The following ERBB4 variants were observed in gnomAD, a reference collection of about 807,000 sequenced individuals.
ERBB4 encodes the protein receptor tyrosine-protein kinase erbB-4.
In ERBB4, 42 loss-of-function variants were observed where a neutral mutation model predicts 158.0. The observed-to-expected ratio is 0.27, with a 90% CI of 0.21 to 0.34. The LOEUF (loss-of-function observed/expected upper bound fraction) is 0.34, where lower values mean the gene tolerates loss of function less well. Ranked by LOEUF, ERBB4 falls within the 10% of genes least tolerant of loss-of-function variation. The pLI is 1.00. For synonymous variants in ERBB4, 583 were observed against 558.7 expected (o/e 1.04, Z -0.61); for missense variants, 1,333 against 1,624.1 (o/e 0.82, Z 3.08).
At position 212,429,025 on chromosome 2, in the gene ERBB4, A is replaced by T. The variant is rs1574902571; in HGVS notation, c.82+109424T>A. On this transcript the variant is annotated intron_variant, in intron 1 of 27. Coordinates refer to ENST00000342788, the MANE Select transcript of ERBB4 (RefSeq NM_005235.3). ...GTTAATATAAAAGTTATTAATTTTAAGAGTTTGAGCAATGTAAAGGAATTA... is the reference window on the plus strand; with the variant it reads ...GTTAATATAAAAGTTATTAATTTTATGAGTTTGAGCAATGTAAAGGAATTA... 1.3e-5 allele frequency: 2 copies of T among 152,298 alleles called. 1 individual carries two copies. The highest frequency in any genetic ancestry group is 6.8e-3 in the Middle Eastern group (2 of 294). 9.4% of individuals were successfully genotyped at this position (152,298 alleles called of 1,614,324 possible). A position where few individuals can be genotyped will look rare whatever the true frequency, so the allele number is the denominator to read the frequency against.
chr2:212,201,196 G>T (rs2082578101), intron 1 of ERBB4, among the ~76,000 whole-genome samples: 1 of 151,994 alleles, frequency 6.6e-6, no homozygotes, highest in Non-Finnish European at 1.5e-5. Context: ...TATATTTGTT[G>T]ATTATTTTCC....
chr2:211,572,416 T>A (rs1279649770), intron 19 of ERBB4, among the ~76,000 whole-genome samples: 1 of 152,198 alleles, frequency 6.6e-6, no homozygotes, highest in African/African-American at 2.4e-5. Flanking sequence ...CACCATTTTC[T>A]ACCAATACTC....
At chr2:211,831,833 G>C (rs1335044872) in intron 3 of ERBB4, among the ~76,000 whole-genome samples, 1 of 151,992 alleles carries the variant, frequency 6.6e-6, no homozygotes, top group Non-Finnish European at 1.5e-5. Context: ...AACCTGGGAG[G>C]CAGAGGTTGC....
chr2:211,882,576 C>T (rs115173975), intron 3 of ERBB4, among the ~76,000 whole-genome samples: 1,663 of 152,110 alleles, frequency 0.011, 24 homozygotes, highest in African/African-American at 0.038. Flanking sequence ...CATAAAAACA[C>T]GAGAGGCACA....
chr2:212,379,661 G>T (rs73060359), intron 1 of ERBB4, among the ~76,000 whole-genome samples: 3,763 of 151,498 alleles, frequency 0.025, 171 homozygotes, highest in African/African-American at 0.085. Context: ...AATGGAAAAA[G>T]AAATCAAGTG....
chr2:211,598,972 C>A (rs1454666864), intron 19 of ERBB4, among the ~76,000 whole-genome samples: 1 of 152,164 alleles, frequency 6.6e-6, no homozygotes, highest in East Asian at 1.9e-4. Context: ...GACTTTGGAC[C>A]TGCATCCACC....
At chr2:211,745,202 C>T (rs13004391) in intron 5 of ERBB4, among the ~76,000 whole-genome samples, 51,231 of 151,674 alleles carry the variant, frequency 0.34, 8,736 homozygotes, top group South Asian at 0.45. Flanking sequence ...AAAAATGAAT[C>T]GTGTGTTACA....
intron 1 of ERBB4, among the ~76,000 whole-genome samples, chr2:212,255,759 T>C (rs2084706513): frequency 6.6e-6 from 1 of 152,166 alleles, no homozygotes; most frequent in Admixed American, 6.6e-5. Context: ...CGTGGGATGC[T>C]AAACCTGAAT....
At chr2:211,835,920 G>A (rs933186614) in intron 3 of ERBB4, among the ~76,000 whole-genome samples, 1 of 152,036 alleles carries the variant, frequency 6.6e-6, no homozygotes, top group South Asian at 2.1e-4. Flanking sequence ...CCTTGGGGTT[G>A]CAGGGTTGAA....
chr2:212,134,039 T>A (rs1394455383), intron 1 of ERBB4, among the ~76,000 whole-genome samples: 5 of 152,186 alleles, frequency 3.3e-5, no homozygotes, highest in Non-Finnish European at 7.4e-5. Context: ...GTAATAGTCA[T>A]TCCTATCTTT....
chr2:212,029,065 T>G (rs2076841647), intron 2 of ERBB4, among the ~76,000 whole-genome samples: 1 of 152,032 alleles, frequency 6.6e-6, no homozygotes, highest in Non-Finnish European at 1.5e-5. Flanking sequence ...GCCTCCCCTT[T>G]CCATGGCAAT....
At chr2:211,709,893 A>C (rs6747405) in intron 9 of ERBB4, among the ~76,000 whole-genome samples, 18,685 of 152,010 alleles carry the variant, frequency 0.12, 1,223 homozygotes, top group Non-Finnish European at 0.14. Context: ...GTGGTTTTCT[A>C]TTCCAGTGGT....
intron 4 of ERBB4, among the ~76,000 whole-genome samples, chr2:211,752,483 C>A (rs2075160601): frequency 7.8e-6 from 1 of 127,806 alleles, no homozygotes; most frequent in Non-Finnish European, 1.6e-5. Context: ...CAGAATACTA[C>A]CTAACTGGAA....
intron 17 of ERBB4, among the ~76,000 whole-genome samples, chr2:211,626,729 C>A (rs1164037844): frequency 6.6e-6 from 1 of 151,964 alleles, no homozygotes; most frequent in Non-Finnish European, 1.5e-5. Context: ...TCGAGACCAT[C>A]CTGGCTAACA....
At position 212,377,826 on chromosome 2, in the gene ERBB4, A is replaced by C. The variant is rs911538972; in HGVS notation, c.82+160623T>G. ...AAAATCCTTTGTTTCTTACTTCATAAGTTTTTTAATTTTTTAAAACTATTT... is the reference window on the plus strand; with the variant it reads ...AAAATCCTTTGTTTCTTACTTCATACGTTTTTTAATTTTTTAAAACTATTT... On this transcript the variant is annotated intron_variant, in intron 1 of 27. Coordinates refer to ENST00000342788, the MANE Select transcript of ERBB4 (RefSeq NM_005235.3). 5.9e-5 allele frequency among the ~76,000 whole-genome samples: 9 copies of C among 152,078 alleles called. No homozygotes were observed. The East Asian group carries it at 1.7e-3, about 29-fold the overall frequency.
intron 13 of ERBB4, among the ~76,000 whole-genome samples, chr2:211,673,807 G>C (rs2071946301): frequency 6.6e-6 from 1 of 151,998 alleles, no homozygotes; most frequent in Non-Finnish European, 1.5e-5. Context: ...TGGAGAATTA[G>C]AGAAAACATC....
At chr2:211,642,029 G>A (rs927853155) in intron 16 of ERBB4, among the ~76,000 whole-genome samples, 1 of 151,938 alleles carries the variant, frequency 6.6e-6, no homozygotes, top group Non-Finnish European at 1.5e-5. Flanking sequence ...GATATTTTAA[G>A]TAATAATGAG....
At chr2:212,500,234 G>A (rs572810146) in intron 1 of ERBB4, among the ~76,000 whole-genome samples, 131 of 152,074 alleles carry the variant, frequency 8.6e-4, no homozygotes, top group African/African-American at 3.0e-3. Context: ...TATTTCATAG[G>A]TTTGCATAAT....
chr2:212,055,120 A>G (rs926246515), intron 2 of ERBB4, among the ~76,000 whole-genome samples: 3 of 152,128 alleles, frequency 2.0e-5, no homozygotes, highest in Non-Finnish European at 2.9e-5. Flanking sequence ...TGCTTTTCCA[A>G]TGGTCTTAGC....
Sources: gnomAD v4.1 joint callset for allele counts (sites outside exome capture counted in the v4.1 genomes callset) on GRCh38, gnomAD v4.1.1 for gene constraint, MANE v1.5 for transcripts, NCBI Gene and HGNC (gene_info 2026-07-23, HGNC 2026-07-21) for gene names.